The following TM7SF2 variants were observed in gnomAD, a reference collection of about 807,000 sequenced individuals.
TM7SF2 encodes transmembrane 7 superfamily member 2, also known as delta(14)-sterol reductase TM7SF2.
TM7SF2 carries 51 observed loss-of-function variants against 51.0 expected under a neutral mutation model. The observed-to-expected ratio is 1.00, with a 90% CI of 0.80 to 1.26. The LOEUF is 1.26. TM7SF2 is among the 50% of genes most tolerant of loss of function. The pLI is 0.00. For synonymous variants in TM7SF2, 255 were observed against 241.0 expected, an observed-to-expected ratio of 1.06 and a Z score of -0.54; for missense variants, 541 against 547.4, an observed-to-expected ratio of 0.99 and a Z score of 0.12.
intron 6 of TM7SF2, 35 bp from the exon 7 acceptor site, chr11:65,114,878 G>A: frequency 6.2e-7 from 1 of 1,614,170 alleles, no homozygotes; most frequent in Non-Finnish European, 8.5e-7. Flanking sequence ...GCCGCATAGG[G>A]ACTAAGCCAG....
chr11:65,113,000 C>A, intron 3 of TM7SF2, 135 bp downstream of exon 3: 8 of 1,175,888 alleles, frequency 6.8e-6, no homozygotes, highest in Non-Finnish European at 9.5e-6. Context: ...GGACAGACGC[C>A]GGGGGCTCTC....
At position 65,113,173 on chromosome 11, in the gene TM7SF2, G is replaced by A. The variant is rs200131247; in HGVS notation, c.305-47G>A. The A allele has an allele frequency of 1.4e-5, 21 of 1,508,174 alleles. No homozygotes were observed. The Admixed American group carries it at 2.0e-4, about 14-fold the overall frequency. The allele number at this position is 1,508,174 out of a possible 1,614,324, so 93.4% of individuals were successfully genotyped here. On this transcript the variant is annotated intron_variant, in intron 3 of 9. Coordinates refer to ENST00000279263, the MANE Select transcript of TM7SF2 (RefSeq NM_003273.6). Reference sequence around the variant, plus strand: ...GCTCTGCGTGTGTTTGCGGGGTGGGGATGTGGAGGCGCGCAGCCCCAGGGC... The same window carrying A: ...GCTCTGCGTGTGTTTGCGGGGTGGGAATGTGGAGGCGCGCAGCCCCAGGGC...
intron 5 of TM7SF2, 168 bp downstream of exon 5, chr11:65,113,762 T>C (rs760051937): frequency 4.5e-5 from 29 of 649,312 alleles, no homozygotes; most frequent in Non-Finnish European, 6.9e-5. Context: ...GAGACAAAAA[T>C]AAAGTTAGAG....
chr11:65,113,557 A>G lies in TM7SF2; in HGVS notation c.566A>G (p.Lys189Arg). The change falls in exon 5 of 10, where the codon AAA (lysine) becomes AGA (arginine). Residue 189 changes from lysine (K) to arginine (R), a missense_variant. By Grantham distance (26) the Lys-to-Arg change is conservative. Transcript: ENST00000279263. ...LNPRICFFDF[K>R]YFCELRPGLI... Reference sequence around the variant, plus strand: ...CCTCGTATCTGTTTCTTCGACTTCAAATATTTCTGTGAACTGCGACCCGGC... The same window carrying G: ...CCTCGTATCTGTTTCTTCGACTTCAGATATTTCTGTGAACTGCGACCCGGC... 6.2e-7 allele frequency: 1 copy of G among 1,614,136 alleles called. No homozygotes were observed. The highest frequency in any genetic ancestry group is 2.2e-5 in the East Asian group (1 of 44,876).
intron 3 of TM7SF2, 154 bp downstream of exon 3, chr11:65,113,019 C>T: frequency 9.2e-7 from 1 of 1,086,370 alleles, no homozygotes; most frequent in Non-Finnish European, 1.3e-6. Context: ...TCCCTATGCC[C>T]CTCGTCCCCA....
chr11:65,113,377 A>G lies in TM7SF2; in HGVS notation c.462A>G (p.Val154=), dbSNP rs1947936474. The change falls in exon 4 of 10, where the codon GTA becomes GTG. Residue 154 remains valine, a synonymous_variant. Coordinates refer to ENST00000279263, the MANE Select transcript of TM7SF2 (RefSeq NM_003273.6). The part of the protein sequence containing the change: ...FSLFLYMKAQ[V]APVSALAPGG... ...TCTTTCTCTACATGAAGGCGCAGGT[A>G]GCCCCAGTTTCGGCCCTGGCACCTG... The G allele has an allele frequency of 6.2e-7, 1 of 1,614,152 alleles. No individual in the cohort carries two copies. Among genetic ancestry groups the G allele is most frequent in the Non-Finnish European group, 8.5e-7 (1 of 1,180,036 alleles).
Position 65,114,910 on chromosome 11 carries a change from C to A in TM7SF2, c.724-3C>A, listed in dbSNP as rs370899002. 101 of 1,614,066 alleles carry A rather than the reference C, an allele frequency of 6.3e-5. No individual in the cohort carries two copies. The highest frequency in any genetic ancestry group is 8.3e-5 in the Non-Finnish European group (98 of 1,179,994). On this transcript the variant is annotated splice_region_variant and splice_polypyrimidine_tract_variant and intron_variant, in intron 6 of 9. Transcript: ENST00000279263. Reference sequence around the variant, plus strand: ...CCAGTGTGTCTGGGTCTTGTCCCTGCAGGAGGCCGTCCTCACCACCATGGA... The same window carrying A: ...CCAGTGTGTCTGGGTCTTGTCCCTGAAGGAGGCCGTCCTCACCACCATGGA...
chr11:65,113,765 AGTT>A, intron 5 of TM7SF2, 171 bp downstream of exon 5: 2 of 639,056 alleles, frequency 3.1e-6, no homozygotes, highest in Admixed American at 2.9e-5. Context: ...ACAAAAATAA[AGTT>A]AGAGGCAAAA....
intron 1 of TM7SF2, chr11:65,112,309 G>T (rs1463823015): frequency 1.5e-6 from 1 of 676,162 alleles, no homozygotes; most frequent in Non-Finnish European, 2.4e-6. Context: ...TCTTCGAGGG[G>T]CCTGGGGGCG....
chr11:65,113,772 G>A (rs551408873), intron 5 of TM7SF2, 178 bp downstream of exon 5: 8 of 627,224 alleles, frequency 1.3e-5, no homozygotes, highest in African/African-American at 3.7e-5. Flanking sequence ...TAAAGTTAGA[G>A]GCAAAAAAGC....
Position 65,113,240 on chromosome 11 carries a change from A to T in TM7SF2, c.325A>T (p.Thr109Ser). 6.2e-7 allele frequency: 1 copy of T among 1,603,166 alleles called. No homozygotes were observed. The highest frequency in any genetic ancestry group is 1.1e-5 in the South Asian group (1 of 90,972). ...TTCAGGCTTCCAGGCCCTGGTGCTG[A>T]CAGCCCTGTTGGTGGGGCTGGGGAT... ...PINGFQALVL[T>S]ALLVGLGMSA... The change falls in exon 4 of 10, where the codon ACA becomes TCA. Residue 109 changes from threonine to serine, a missense_variant. Physicochemically the swap from Thr to Ser is moderately conservative, Grantham distance 58. Coordinates refer to ENST00000279263, the MANE Select transcript of TM7SF2 (RefSeq NM_003273.6).
intron 2 of TM7SF2, 39 bp downstream of exon 2, chr11:65,112,750 G>T: frequency 6.5e-7 from 1 of 1,549,312 alleles, no homozygotes; most frequent in Non-Finnish European, 8.7e-7. Context: ...GGAGGGAAGC[G>T]AATGGGCTCG....
In TM7SF2 at chr11:65,112,684, G is replaced by A. The variant is rs763019621; in HGVS notation, c.222G>A (p.Ala74=). Reference sequence around the variant, plus strand: ...GGCTCGCCTGGCTCGGCCTGCAGGCGGCGCTCTACCTACTGCCGGCGCGCA... The same window carrying A: ...GGCTCGCCTGGCTCGGCCTGCAGGCAGCGCTCTACCTACTGCCGGCGCGCA... ...LLWLAWLGLQ[A]ALYLLPARKV... Residue 74 remains alanine, a synonymous_variant, in exon 2 of 10, where the codon GCG becomes GCA. Coordinates refer to ENST00000279263, the MANE Select transcript of TM7SF2 (RefSeq NM_003273.6). 1.6e-5 allele frequency: 24 copies of A among 1,537,888 alleles called. No individual in the cohort carries two copies. Among genetic ancestry groups the A allele is most frequent in the Non-Finnish European group, 8.7e-6 (10 of 1,143,874 alleles).
rs1347410878 is a variant in TM7SF2, at chr11:65,112,701, C to T, written c.239C>T (p.Pro80Leu). The change falls in exon 2 of 10, where the codon CCG becomes CTG. Residue 80 changes from proline to leucine, a missense_variant. Transcript: ENST00000279263. Reference sequence around the variant, plus strand: ...CTGCAGGCGGCGCTCTACCTACTGCCGGCGCGCAAGGTGCGGGCCCCGCTC... The same window carrying T: ...CTGCAGGCGGCGCTCTACCTACTGCTGGCGCGCAAGGTGCGGGCCCCGCTC... Reference protein sequence around the residue: ...LGLQAALYLLPARKVAEGQEL... With the variant: ...LGLQAALYLLLARKVAEGQEL... 1 of 1,545,094 alleles carries T rather than the reference C, an allele frequency of 6.5e-7. No individual in the cohort carries two copies. Among genetic ancestry groups the T allele is most frequent in the South Asian group, 1.2e-5 (1 of 83,778 alleles).
Position 65,114,634 on chromosome 11 carries a change from G to A in TM7SF2, c.604-79G>A, listed in dbSNP as rs1041730451. On this transcript the variant is annotated intron_variant, in intron 5 of 9. Transcript: ENST00000279263. ...AAGAGCTGGAGTGTAACTGACAGTTGAGAAGGGCAGAGGCTGGCCACTGCT... is the reference window on the plus strand; with the variant it reads ...AAGAGCTGGAGTGTAACTGACAGTTAAGAAGGGCAGAGGCTGGCCACTGCT... 5.3e-6 allele frequency: 8 copies of A among 1,520,490 alleles called. No homozygotes were observed. The Admixed American group carries it at 9.9e-5, about 19-fold the overall frequency. 94.2% of individuals were successfully genotyped at this position (1,520,490 alleles called of 1,614,324 possible). A position where few individuals can be genotyped will look rare whatever the true frequency, so the allele number is the denominator to read the frequency against.
At chr11:65,115,152 G>A (rs752384718) in intron 7 of TM7SF2, 71 bp downstream of exon 7, 27 of 1,597,544 alleles carry the variant, frequency 1.7e-5, no homozygotes, top group South Asian at 8.9e-5. Flanking sequence ...CTGTTTACAC[G>A]CACCACCACA....
intron 5 of TM7SF2, among the ~76,000 whole-genome samples, chr11:65,114,486 G>A (rs916248292): frequency 6.6e-6 from 1 of 152,236 alleles, no homozygotes; most frequent in Non-Finnish European, 1.5e-5. Context: ...CTGAAAACAG[G>A]TCTGTTTGAG....
chr11:65,112,986 C>T, intron 3 of TM7SF2, 121 bp downstream of exon 3: 1 of 1,274,014 alleles, frequency 7.8e-7, no homozygotes. Context: ...CTCTGTTACG[C>T]CCAGGACAGA....
In TM7SF2 at chr11:65,115,016, A is replaced by C. The variant is rs1428922520; in HGVS notation, c.827A>C (p.Gln276Pro). 1 of 1,614,146 alleles carries C rather than the reference A, an allele frequency of 6.2e-7. No homozygotes were observed. Among genetic ancestry groups the C allele is most frequent in the South Asian group, 1.1e-5 (1 of 91,088 alleles). The change falls in exon 7 of 10, where the codon CAG becomes CCG. Residue 276 changes from glutamine to proline, a missense_variant. Physicochemically the swap from Gln to Pro is moderately conservative, Grantham distance 76. Transcript: ENST00000279263. ...CCCTTCACCTACAGCCTGCAGGCCC[A>C]GTTCCTGCTGCACCACCCGCAGCCC... ...WVPFTYSLQA[Q>P]FLLHHPQPLG...
Sources: gnomAD v4.1 joint callset for allele counts (sites outside exome capture counted in the v4.1 genomes callset) on GRCh38, gnomAD v4.1.1 for gene constraint, MANE v1.5 for transcripts, NCBI Gene and HGNC (gene_info 2026-07-23, HGNC 2026-07-21) for gene names.